The following KIAA1328 variants were observed in gnomAD, a reference collection of about 807,000 sequenced individuals.
KIAA1328 encodes KIAA1328, also known as protein hinderin.
Under a neutral mutation model 68.1 loss-of-function variants are expected in KIAA1328, and 52 were observed. The ratio of observed to expected loss-of-function variants is 0.76; its 90% CI spans 0.61 to 0.96. The LOEUF (loss-of-function observed/expected upper bound fraction) is 0.96, where lower values mean the gene tolerates loss of function less well. Ranked by LOEUF, KIAA1328 falls within the 40% of genes least tolerant of loss-of-function variation. The pLI is 0.00. For synonymous variants in KIAA1328, 232 were observed against 239.4 expected (o/e 0.97, Z 0.28); for missense variants, 641 against 677.6 (o/e 0.95, Z 0.60).
At chr18:36,979,049 C>T (rs951856753) in intron 6 of KIAA1328, among the ~76,000 whole-genome samples, 1 of 152,072 alleles carries the variant, frequency 6.6e-6, no homozygotes, top group South Asian at 2.1e-4. Flanking sequence ...TTCCCAGCTA[C>T]TCGGGAGGCT....
chr18:36,869,858 G>A (rs2047885388), intron 4 of KIAA1328, among the ~76,000 whole-genome samples: 3 of 152,020 alleles, frequency 2.0e-5, no homozygotes, highest in East Asian at 1.9e-4. Context: ...CTTTATAATT[G>A]AAAGTGTTTA....
intron 9 of KIAA1328, among the ~76,000 whole-genome samples, chr18:37,214,336 AAGAAGGGATCC>A (rs2060381161): frequency 6.6e-6 from 1 of 152,284 alleles, no homozygotes; most frequent in Middle Eastern, 3.4e-3. Context: ...GTAAGGTGTA[AAGAAGGGATCC>A]AGTTTCAGCT....
At chr18:37,014,895 T>C (rs1321834126) in intron 6 of KIAA1328, among the ~76,000 whole-genome samples, 1 of 152,022 alleles carries the variant, frequency 6.6e-6, no homozygotes, top group Non-Finnish European at 1.5e-5. Context: ...CCATCTTGAG[T>C]TTATATTTTA....
At chr18:36,911,694 A>G (rs939602367) in intron 5 of KIAA1328, among the ~76,000 whole-genome samples, 4 of 152,196 alleles carry the variant, frequency 2.6e-5, no homozygotes, top group African/African-American at 9.6e-5. Context: ...CTTAGATTCA[A>G]CGCAAGTATA....
intron 7 of KIAA1328, among the ~76,000 whole-genome samples, chr18:37,101,851 G>A (rs2057628826): frequency 6.6e-6 from 1 of 152,130 alleles, no homozygotes; most frequent in Admixed American, 6.5e-5. Context: ...GACGAGAGTG[G>A]GGGCCAATAT....
intron 7 of KIAA1328, among the ~76,000 whole-genome samples, chr18:37,131,372 T>G (rs60704259): frequency 3.3e-4 from 51 of 152,344 alleles, no homozygotes; most frequent in African/African-American, 1.1e-3. Flanking sequence ...GTCAACCTTG[T>G]GGACCATAGT....
intron 3 of KIAA1328, among the ~76,000 whole-genome samples, chr18:36,835,653 G>A (rs143185562): frequency 6.6e-6 from 1 of 152,250 alleles, no homozygotes; most frequent in African/African-American, 2.4e-5. Context: ...TGATCTGTGT[G>A]GCATTGGTAA....
intron 6 of KIAA1328, among the ~76,000 whole-genome samples, chr18:37,047,166 A>C (rs1166507972): frequency 6.6e-6 from 1 of 152,172 alleles, no homozygotes; most frequent in Non-Finnish European, 1.5e-5. Context: ...AAGATTGTTC[A>C]ATATAACTTG....
chr18:36,987,911 G>A lies in KIAA1328; in HGVS notation c.576+28476G>A, dbSNP rs140277222. ...GCTGCCTGGCCTTATTGTGATCAGA[G>A]CAATTGTCCAGCCCTAGTTCAGCTC... is the stretch of plus-strand genomic sequence containing the variant. On this transcript the variant is annotated intron_variant, in intron 6 of 9. Coordinates refer to ENST00000280020, the MANE Select transcript of KIAA1328 (RefSeq NM_020776.3). 3.8e-3 allele frequency among the ~76,000 whole-genome samples: 583 copies of A among 151,906 alleles called. 4 individuals are homozygous for A. The highest frequency in any genetic ancestry group is 6.3e-3 in the Non-Finnish European group (428 of 67,962).
intron 5 of KIAA1328, among the ~76,000 whole-genome samples, chr18:36,949,599 C>CCCG (rs1556833400): frequency 9.2e-6 from 1 of 109,136 alleles, no homozygotes; most frequent in Admixed American, 9.8e-5. Flanking sequence ...TACCCAGCTC[C>CCCG]CCCCCCCCCA....
intron 4 of KIAA1328, among the ~76,000 whole-genome samples, chr18:36,884,526 T>C (rs961947365): frequency 6.6e-6 from 1 of 152,190 alleles, no homozygotes; most frequent in African/African-American, 2.4e-5. Context: ...TCCTGTTGAT[T>C]TCAATATCTC....
At chr18:37,175,820 G>A (rs1347093179) in intron 9 of KIAA1328, among the ~76,000 whole-genome samples, 1 of 152,204 alleles carries the variant, frequency 6.6e-6, no homozygotes, top group African/African-American at 2.4e-5. Context: ...GGGAACAAGA[G>A]TAAAAGCTCT....
At chr18:37,038,924 G>C (rs1309814936) in intron 6 of KIAA1328, among the ~76,000 whole-genome samples, 2 of 152,158 alleles carry the variant, frequency 1.3e-5, no homozygotes, top group Non-Finnish European at 2.9e-5. Flanking sequence ...ATCATAAGTA[G>C]ATGTTAAATT....
In KIAA1328 at chr18:37,098,909, T is replaced by A. The variant is rs1226030844; in HGVS notation, c.1232+31364T>A. Among the ~76,000 whole-genome samples, 22 of 152,228 alleles carry A rather than the reference T, an allele frequency of 1.4e-4. 1 individual carries two copies. On this transcript the variant is annotated intron_variant, in intron 7 of 9. Transcript: ENST00000280020. Reference sequence around the variant, plus strand: ...GATTGTAGTTTGTATTTCTGTGGGATCGGTGGCAATATCCCCTTGGTCATT... The same window carrying A: ...GATTGTAGTTTGTATTTCTGTGGGAACGGTGGCAATATCCCCTTGGTCATT...
chr18:37,088,481 GTTTCTTTGTGGAATTTTCACTTCCTA>G (rs1339318746), intron 7 of KIAA1328, among the ~76,000 whole-genome samples: 3 of 151,856 alleles, frequency 2.0e-5, no homozygotes, highest in Non-Finnish European at 4.4e-5. Context: ...AATGCTTTGT[GTTTCTTTGTGGAATTTTCACTTCCTA>G]TGTTCATATT....
chr18:36,924,725 A>C (rs1277331488), intron 5 of KIAA1328, among the ~76,000 whole-genome samples: 1 of 152,162 alleles, frequency 6.6e-6, no homozygotes, highest in East Asian at 1.9e-4. Flanking sequence ...AGCCAAGGAC[A>C]CACCCCAATA....
At chr18:37,171,248 G>T (rs2059493673) in intron 8 of KIAA1328, among the ~76,000 whole-genome samples, 1 of 152,094 alleles carries the variant, frequency 6.6e-6, no homozygotes, top group Non-Finnish European at 1.5e-5. Context: ...TTCTTGCTCT[G>T]TTGCCCAGGC....
intron 5 of KIAA1328, among the ~76,000 whole-genome samples, chr18:36,953,421 G>GAT (rs1760852325): frequency 1.4e-5 from 2 of 140,400 alleles, no homozygotes; most frequent in East Asian, 4.2e-4. Flanking sequence ...TAGATAGATA[G>GAT]AGATAGATAG....
chr18:37,146,486 T>A (rs911885854), intron 7 of KIAA1328, among the ~76,000 whole-genome samples: 5 of 152,234 alleles, frequency 3.3e-5, no homozygotes, highest in Non-Finnish European at 7.3e-5. Flanking sequence ...AATTCATTGA[T>A]GGGCATTTAG....
Sources: allele counts gnomAD v4.1 joint callset (sites outside exome capture counted in the v4.1 genomes callset), GRCh38; gene constraint gnomAD v4.1.1; transcripts MANE v1.5; gene names NCBI Gene and HGNC (gene_info 2026-07-23, HGNC 2026-07-21).